Variants in GRK1 observed in about 807,000 individuals in gnomAD.
The protein encoded by GRK1 is G protein-coupled receptor kinase 1, also known as rhodopsin kinase GRK1.
In GRK1, 28 loss-of-function variants were observed where a neutral mutation model predicts 41.7. The observed-to-expected ratio is 0.67, with a 90% CI of 0.50 to 0.92. The LOEUF is 0.92. Among genes scored for constraint, GRK1 ranks in the 40% least tolerant of loss-of-function variants. The probability of loss-of-function intolerance (pLI) is 0.00; values close to 1 mark genes in which losing one functional copy is unlikely to be tolerated. For synonymous variants in GRK1, 327 were observed against 286.7 expected, an observed-to-expected ratio of 1.14 and a Z score of -1.42; for missense variants, 703 against 671.2, an observed-to-expected ratio of 1.05 and a Z score of -0.52.
At chr13:113,657,246 G>A in the GRK1 span, among the ~76,000 whole-genome samples, 1 of 152,178 alleles carries the variant, frequency 6.6e-6, no homozygotes, top group East Asian at 1.9e-4. Context: ...AGGAGGGCCT[G>A]ACCTTCCCTG....
At chr13:113,654,932 G>A in the GRK1 span, 1 of 1,614,074 alleles carries the variant, frequency 6.2e-7, no homozygotes, top group Non-Finnish European at 8.5e-7. Flanking sequence ...CGTAGTACAG[G>A]CTGATCCACA....
the GRK1 span, among the ~76,000 whole-genome samples, chr13:113,649,970 C>T: frequency 1.3e-5 from 2 of 152,062 alleles, no homozygotes; most frequent in Non-Finnish European, 2.9e-5. This position sits in a 1 kb window ranked among gnomAD's most constrained non-coding sequence, Gnocchi z 4.7. Context: ...CAAGACCACC[C>T]TGGGCAACAT....
At chr13:113,651,651 C>A in the GRK1 span, 1 of 1,591,842 alleles carries the variant, frequency 6.3e-7, no homozygotes. Context: ...CAGCCCTGCC[C>A]GCCGCGCGGC....
chr13:113,724,298 G>A (rs953444020), intron 4 of GRK1, among the ~76,000 whole-genome samples: 1 of 152,234 alleles, frequency 6.6e-6, no homozygotes, highest in East Asian at 1.9e-4. Flanking sequence ...CAGCCACACC[G>A]TGAATTTGAG....
intron 1 of GRK1, among the ~76,000 whole-genome samples, chr13:113,668,922 C>T (rs556084231): frequency 2.0e-5 from 3 of 152,360 alleles, no homozygotes; most frequent in Admixed American, 6.5e-5. Context: ...GTGCTCACAG[C>T]GCTGGGCGGA....
At chr13:113,733,794 T>C (rs1226447659) in intron 6 of GRK1, among the ~76,000 whole-genome samples, 11 of 110,894 alleles carry the variant, frequency 9.9e-5, no homozygotes, top group Non-Finnish European at 1.6e-4. Flanking sequence ...TGCATGTGTG[T>C]ATGTGTATCT....
intron 6 of GRK1, 63 bp downstream of exon 6, chr13:113,733,148 C>A: frequency 1.4e-6 from 2 of 1,462,564 alleles, no homozygotes; most frequent in Admixed American, 2.1e-5. Flanking sequence ...CCTTGGGTGT[C>A]CGCCCGGTCC....
the GRK1 span, chr13:113,652,768 TG>T: frequency 1.5e-6 from 2 of 1,364,556 alleles, no homozygotes; most frequent in South Asian, 1.2e-5. Context: ...CTGTCCCGCT[TG>T]GGCAAGCCCC....
At chr13:113,655,078 A>G in the GRK1 span, 121,988 of 1,207,202 alleles carry the variant, frequency 0.1, 7,012 homozygotes, top group South Asian at 0.2. Context: ...CCCCCAAAAC[A>G]GAAACCCCGT....
the GRK1 span, chr13:113,653,219 GC>G: frequency 4.5e-6 from 6 of 1,328,836 alleles, no homozygotes; most frequent in Non-Finnish European, 6.2e-6. Flanking sequence ...CTCACCTGCT[GC>G]TTCACACCTC....
At chr13:113,732,208 C>T (rs1166173225) in intron 5 of GRK1, among the ~76,000 whole-genome samples, 1 of 152,206 alleles carries the variant, frequency 6.6e-6, no homozygotes, top group Non-Finnish European at 1.5e-5. Flanking sequence ...TGCGGCTCTT[C>T]CCTGGCCACC....
In GRK1 at chr13:113,669,693, A is replaced by G. The variant is rs765180821; in HGVS notation, c.706A>G (p.Met236Val). 1.2e-6 allele frequency: 2 copies of G among 1,613,820 alleles called. No individual in the cohort carries two copies. Among genetic ancestry groups the G allele is most frequent in the Admixed American group, 1.7e-5 (1 of 60,014 alleles). Residue 236 changes from methionine to valine, a missense_variant, in exon 2 of 7, where the codon ATG (methionine) becomes GTG (valine). Physicochemically the swap from Met to Val is conservative, Grantham distance 21 (BLOSUM62 1). Coordinates refer to ENST00000335678, the MANE Select transcript of GRK1 (RefSeq NM_002929.3). ...LKKRKGYQGA[M>V]VEKKILMKVH... Reference sequence around the variant, plus strand: ...TCAGCGTCTCACTTTTCAGGGTGCTATGGTGGAGAAGAAGATTCTGATGAA... The same window carrying G: ...TCAGCGTCTCACTTTTCAGGGTGCTGTGGTGGAGAAGAAGATTCTGATGAA...
At position 113,735,474 on chromosome 13, in the gene GRK1, T is replaced by C; in HGVS notation, c.*111T>C. 1 of 1,199,126 alleles carries C rather than the reference T, an allele frequency of 8.3e-7. No individual in the cohort carries two copies. Among genetic ancestry groups the C allele is most frequent in the Non-Finnish European group, 1.1e-6 (1 of 897,156 alleles). 74.3% of individuals were successfully genotyped at this position (1,199,126 alleles called of 1,614,324 possible). ...GCTAGCAAGGGGACACGTGGTTCCCTCCACCCAGGTCCCCATCACGCCATC... is the reference window on the plus strand; with the variant it reads ...GCTAGCAAGGGGACACGTGGTTCCCCCCACCCAGGTCCCCATCACGCCATC... On this transcript the variant is annotated 3_prime_UTR_variant, in exon 7 of 7. Coordinates refer to ENST00000335678, the MANE Select transcript of GRK1 (RefSeq NM_002929.3).
chr13:113,730,566 C>A lies in GRK1; in HGVS notation c.1070-653C>A, dbSNP rs1272820430. Among the ~76,000 whole-genome samples, 3 of 151,308 alleles carry A rather than the reference C, an allele frequency of 2.0e-5. No individual in the cohort carries two copies. In the East Asian group the frequency reaches 5.8e-4, roughly 29 times the overall value. Reference sequence around the variant, plus strand: ...ACAGCCTCTGCGGCTGCGCCCAGAGCCCTCCCTCCATCCTGAGTCCCCGTG... The same window carrying A: ...ACAGCCTCTGCGGCTGCGCCCAGAGACCTCCCTCCATCCTGAGTCCCCGTG... On this transcript the variant is annotated intron_variant, in intron 4 of 6. Coordinates refer to ENST00000335678, the MANE Select transcript of GRK1 (RefSeq NM_002929.3).
chr13:113,654,394 C>T, the GRK1 span, among the ~76,000 whole-genome samples: 1 of 152,184 alleles, frequency 6.6e-6, no homozygotes, highest in Non-Finnish European at 1.5e-5. Context: ...CTCTTTTCTG[C>T]TGGTCTCCCG....
At position 113,667,628 on chromosome 13, in the gene GRK1, A is replaced by G; in HGVS notation, c.242A>G (p.Lys81Arg). The change falls in exon 1 of 7, where the codon AAG becomes AGG. Residue 81 changes from lysine (K) to arginine (R), a missense_variant. Transcript: ENST00000335678. This position sits in a 1 kb window ranked among gnomAD's most constrained non-coding sequence, Gnocchi z 7.5. ...CAGCAGTTCCTACAATCGGCAGAGA[A>G]GCACCTGCCGGCCCTGGAGCTCTGG... is the stretch of plus-strand genomic sequence containing the variant. Reference protein sequence around the residue: ...LFQQFLQSAEKHLPALELWKD... With the variant: ...LFQQFLQSAERHLPALELWKD... 1 of 1,613,590 alleles carries G rather than the reference A, an allele frequency of 6.2e-7. No homozygotes were observed.
chr13:113,728,439 G>A (rs537691985), intron 4 of GRK1, among the ~76,000 whole-genome samples: 3 of 148,566 alleles, frequency 2.0e-5, no homozygotes, highest in East Asian at 4.0e-4. Context: ...TGGCGATGAG[G>A]AGTACCCATG....
At chr13:113,727,487 G>GTGTGGGC (rs1409648964) in intron 4 of GRK1, among the ~76,000 whole-genome samples, 5 of 152,066 alleles carry the variant, frequency 3.3e-5, no homozygotes, top group African/African-American at 1.2e-4. Flanking sequence ...GGACTGTGGG[G>GTGTGGGC]TGTGGGCTGT....
chr13:113,733,001 C>A lies in GRK1; in HGVS notation c.1312C>A (p.Arg438Ser). Residue 438 changes from arginine to serine, a missense_variant, in exon 6 of 7, where the codon CGC becomes AGC. By Grantham distance (110) the Arg-to-Ser change is moderately radical. Coordinates refer to ENST00000335678, the MANE Select transcript of GRK1 (RefSeq NM_002929.3). ...GCTGCTGGAGAAGGACCCGGAGAAG[C>A]GCCTGGGGTTCAGAGATGAGACCTG... Reference protein sequence around the residue: ...EALLEKDPEKRLGFRDETCDK... With the variant: ...EALLEKDPEKSLGFRDETCDK... 6.5e-7 allele frequency: 1 copy of A among 1,537,102 alleles called. No individual in the cohort carries two copies. The highest frequency in any genetic ancestry group is 8.7e-7 in the Non-Finnish European group (1 of 1,146,912).
Sources: allele counts gnomAD v4.1 joint callset (sites outside exome capture counted in the v4.1 genomes callset), GRCh38; gene constraint gnomAD v4.1.1; non-coding constraint Gnocchi (gnomAD v3.1); transcripts MANE v1.5; gene names NCBI Gene and HGNC (gene_info 2026-07-23, HGNC 2026-07-21).